GTF2H1: variants seen among roughly 807,000 people sequenced by gnomAD.
GTF2H1 encodes the protein general transcription factor IIH subunit 1, also known as BTF2 p62.
Under a neutral mutation model 71.2 loss-of-function variants are expected in GTF2H1, and 16 were observed. The observed-to-expected ratio is 0.22, with a 90% CI of 0.15 to 0.34. The LOEUF (loss-of-function observed/expected upper bound fraction) is 0.34. Ranked by LOEUF, GTF2H1 falls within the 10% of genes least tolerant of loss-of-function variation. GTF2H1 has a pLI of 1.00. For missense variants in GTF2H1, 498 were observed against 648.2 expected (o/e 0.77, Z 2.52); for synonymous variants, 215 against 219.0 (o/e 0.98, Z 0.16).
At chr11:18,354,891 C>A (rs1489754646) in intron 11 of GTF2H1, among the ~76,000 whole-genome samples, 3 of 151,990 alleles carry the variant, frequency 2.0e-5, no homozygotes, top group Admixed American at 6.6e-5. Flanking sequence ...CCACTGCAAC[C>A]TCCACCTCCC....
rs1389517623 is a variant in GTF2H1, at chr11:18,341,626, A to C, written c.837+19A>C. On this transcript the variant is annotated intron_variant, in intron 7 of 14. Transcript: ENST00000265963. Reference sequence around the variant, plus strand: ...AGATGAGGTAAGAAGCAATAAAAGAAGTTTTGAGAGAAAAGAGTCTTTTCC... The same window carrying C: ...AGATGAGGTAAGAAGCAATAAAAGACGTTTTGAGAGAAAAGAGTCTTTTCC... The C allele has an allele frequency of 6.7e-7, 1 of 1,482,024 alleles. No homozygotes were observed. Among genetic ancestry groups the C allele is most frequent in the African/African-American group, 1.4e-5 (1 of 71,280 alleles). The allele number at this position is 1,482,024 out of a possible 1,614,324, so 91.8% of individuals were successfully genotyped here.
intron 3 of GTF2H1, among the ~76,000 whole-genome samples, chr11:18,336,584 G>C (rs899534067): frequency 1.3e-5 from 2 of 152,232 alleles, no homozygotes; most frequent in African/African-American, 4.8e-5. Context: ...ACTGCATCAT[G>C]CTTAACATCT....
chr11:18,360,951 G>A (rs756543480), intron 14 of GTF2H1, among the ~76,000 whole-genome samples: 18 of 151,702 alleles, frequency 1.2e-4, no homozygotes, highest in Middle Eastern at 3.2e-3. Flanking sequence ...GATTACAAGC[G>A]CATGCTGCCA....
rs190903261 is a variant in GTF2H1, at chr11:18,330,045, G to C, written c.-15-3015G>C. 5.9e-5 allele frequency among the ~76,000 whole-genome samples: 9 copies of C among 152,328 alleles called. No homozygotes were observed. The East Asian group carries it at 1.7e-3, about 29-fold the overall frequency. On this transcript the variant is annotated intron_variant, in intron 1 of 14. Coordinates refer to ENST00000265963, the MANE Select transcript of GTF2H1 (RefSeq NM_005316.4). Reference sequence around the variant, plus strand: ...TGTTCAAGGGTGACTGAAATGTTCTGTCTCTCATTTTGGGTAACTGTAAAT... The same window carrying C: ...TGTTCAAGGGTGACTGAAATGTTCTCTCTCTCATTTTGGGTAACTGTAAAT...
chr11:18,342,675 TAAAG>T (rs1865188103), intron 7 of GTF2H1, among the ~76,000 whole-genome samples: 2 of 152,172 alleles, frequency 1.3e-5, no homozygotes, highest in Non-Finnish European at 2.9e-5. Flanking sequence ...CCTGAGAAAA[TAAAG>T]CTTAGTGGCG....
chr11:18,333,170 T>C lies in GTF2H1; in HGVS notation c.96T>C (p.Ala32=), dbSNP rs1394514120. The C allele has an allele frequency of 6.2e-7, 1 of 1,613,628 alleles. No individual in the cohort carries two copies. Residue 32 remains alanine (A), a synonymous_variant, in exon 2 of 15, where the codon GCT becomes GCC. Transcript: ENST00000265963. ...TGTACCTCATGGCAGAAAGAATTGC[T>C]TGGGCACCTGAAGGCAAAGATAGAT... ...GALYLMAERI[A]WAPEGKDRFT... is the part of the protein sequence containing the mutation.
chr11:18,340,122 C>A (rs1865123932), intron 5 of GTF2H1, among the ~76,000 whole-genome samples: 4 of 152,124 alleles, frequency 2.6e-5, no homozygotes, highest in Admixed American at 2.6e-4. Context: ...AGGAATCTCT[C>A]TCTCAGGACT....
In GTF2H1 at chr11:18,352,460, A is replaced by G. The variant is rs756574500; in HGVS notation, c.1260+14A>G. The G allele has an allele frequency of 2.9e-6, 3 of 1,037,820 alleles. No homozygotes were observed. The highest frequency in any genetic ancestry group is 4.6e-6 in the Non-Finnish European group (3 of 657,010). The allele number at this position is 1,037,820 out of a possible 1,614,324, so 64.3% of individuals were successfully genotyped here. ...AAGTTAACTCAGGTAGGTGACTTCT[A>G]CTGTTTGAAGGCCAGAATTCCCATA... On this transcript the variant is annotated intron_variant, in intron 11 of 14. Transcript: ENST00000265963.
At position 18,347,926 on chromosome 11, in the gene GTF2H1, G is replaced by T; in HGVS notation, c.1053+7G>T. ...TCAGCCAGCAGTCAAAAGGGTATGG[G>T]CAAAAAAATATGAACCATTTGGGGC... On this transcript the variant is annotated splice_region_variant and intron_variant, in intron 9 of 14. Coordinates refer to ENST00000265963, the MANE Select transcript of GTF2H1 (RefSeq NM_005316.4). 1 of 1,595,998 alleles carries T rather than the reference G, an allele frequency of 6.3e-7. No individual in the cohort carries two copies. The highest frequency in any genetic ancestry group is 1.1e-5 in the South Asian group (1 of 90,652).
intron 12 of GTF2H1, among the ~76,000 whole-genome samples, chr11:18,358,289 T>C (rs1020001967): frequency 6.6e-6 from 1 of 152,200 alleles, no homozygotes; most frequent in Non-Finnish European, 1.5e-5. Context: ...AGCTCCTTTC[T>C]TCTCCCCTAC....
At chr11:18,323,799 ACACAG>A (rs1565000393) in intron 1 of GTF2H1, among the ~76,000 whole-genome samples, 1 of 150,892 alleles carries the variant, frequency 6.6e-6, no homozygotes, top group African/African-American at 2.5e-5. Context: ...ACTCCTTGGA[ACACAG>A]TTTGAAAACC....
chr11:18,342,496 A>G (rs1282193496), intron 7 of GTF2H1, among the ~76,000 whole-genome samples: 2 of 151,970 alleles, frequency 1.3e-5, no homozygotes, highest in Admixed American at 1.3e-4. Context: ...TCCTTACCTC[A>G]GGTGATCTGC....
At position 18,347,820 on chromosome 11, in the gene GTF2H1, C is replaced by T. The variant is rs1409845998; in HGVS notation, c.966-12C>T. On this transcript the variant is annotated splice_polypyrimidine_tract_variant and intron_variant, in intron 8 of 14. Coordinates refer to ENST00000265963, the MANE Select transcript of GTF2H1 (RefSeq NM_005316.4). ...TTTTTAACGTTAACTTTTTTTTCCC[C>T]TTTATTTTAAGAGAAGCACAAAATG... is the stretch of plus-strand genomic sequence containing the variant. 2 of 1,594,554 alleles carry T rather than the reference C, an allele frequency of 1.3e-6. No homozygotes were observed. The highest frequency in any genetic ancestry group is 1.4e-5 in the African/African-American group (1 of 73,772).
chr11:18,337,899 A>G (rs1179706644), intron 3 of GTF2H1, among the ~76,000 whole-genome samples: 2 of 152,106 alleles, frequency 1.3e-5, no homozygotes, highest in Non-Finnish European at 2.9e-5. Flanking sequence ...ACCTACCTCC[A>G]TTTATCACCA....
chr11:18,366,281 C>T lies in GTF2H1; in HGVS notation c.*412C>T, dbSNP rs1288289940. On this transcript the variant is annotated 3_prime_UTR_variant, in exon 15 of 15. Transcript: ENST00000265963. ...ATAAAATCTGAGGTTTTTTGGTTGT[C>T]GTTTTTTTCTGTGTACATTTTTTTC... The T allele has an allele frequency of 3.2e-5, 5 of 157,852 alleles. No homozygotes were observed. Among genetic ancestry groups the T allele is most frequent in the African/African-American group, 9.6e-5 (4 of 41,624 alleles). 9.8% of individuals were successfully genotyped at this position (157,852 alleles called of 1,614,324 possible).
intron 4 of GTF2H1, 35 bp from the exon 5 acceptor site, chr11:18,339,529 C>T (rs1415554236): frequency 7.0e-7 from 1 of 1,435,214 alleles, no homozygotes; most frequent in East Asian, 2.3e-5. Context: ...TTCCCTGATG[C>T]TCTAACGTGT....
intron 4 of GTF2H1, among the ~76,000 whole-genome samples, chr11:18,338,616 CTTATTT>C (rs1426650123): frequency 1.3e-5 from 2 of 151,988 alleles, no homozygotes; most frequent in East Asian, 3.9e-4. Flanking sequence ...GCTAAATTTT[CTTATTT>C]TTATAGGGCG....
chr11:18,356,940 A>T lies in GTF2H1; in HGVS notation c.1261-1012A>T, dbSNP rs11024627. On this transcript the variant is annotated intron_variant, in intron 11 of 14. Transcript: ENST00000265963. ...CAAGTAGCTAGGACTACAGGCATGCACCACCATGCCCAACTAATTTTTTTG... is the reference window on the plus strand; with the variant it reads ...CAAGTAGCTAGGACTACAGGCATGCTCCACCATGCCCAACTAATTTTTTTG... Among the ~76,000 whole-genome samples the T allele has an allele frequency of 2.3e-3, 354 of 151,902 alleles. 3 individuals carry two copies. The highest frequency in any genetic ancestry group is 6.8e-3 in the Middle Eastern group (2 of 294).
intron 9 of GTF2H1, among the ~76,000 whole-genome samples, chr11:18,351,003 A>G (rs1047453419): frequency 6.6e-6 from 1 of 152,234 alleles, no homozygotes; most frequent in Non-Finnish European, 1.5e-5. Flanking sequence ...TTTAAAAATC[A>G]GTGGGAAAAG....
Sources: gnomAD v4.1 joint callset for allele counts (sites outside exome capture counted in the v4.1 genomes callset) on GRCh38, gnomAD v4.1.1 for gene constraint, MANE v1.5 for transcripts, NCBI Gene and HGNC (gene_info 2026-07-23, HGNC 2026-07-21) for gene names.